Variants in HERC1 observed in about 807,000 individuals in gnomAD.
HERC1 encodes probable E3 ubiquitin-protein ligase HERC1.
A neutral mutation model predicts 554.3 loss-of-function variants in HERC1; 160 were observed. The ratio of observed to expected loss-of-function variants is 0.29; its 90% CI spans 0.25 to 0.33. The LOEUF (loss-of-function observed/expected upper bound fraction) is 0.33. Ranked by LOEUF, HERC1 falls within the 10% of genes least tolerant of loss-of-function variation. The pLI is 1.00. For missense variants in HERC1, 4,919 were observed against 5,918.5 expected (o/e 0.83, Z 5.54); for synonymous variants, 2,175 against 2,131.7 (o/e 1.02, Z -0.56).
At chr15:63,806,361 T>C (rs182214818) in intron 1 of HERC1, among the ~76,000 whole-genome samples, 4 of 152,304 alleles carry the variant, frequency 2.6e-5, no homozygotes, top group Admixed American at 2.6e-4. Context: ...AGGTGACTTC[T>C]TCCATGAAGC....
chr15:63,750,673 T>C (rs1042806272), intron 8 of HERC1, among the ~76,000 whole-genome samples: 2 of 152,214 alleles, frequency 1.3e-5, no homozygotes, highest in Non-Finnish European at 2.9e-5. Flanking sequence ...GGCTTAAGCC[T>C]GTAATCCCAG....
Position 63,694,221 on chromosome 15 carries a change from T to A in HERC1, c.5481-64A>T. On this transcript the variant is annotated intron_variant, in intron 29 of 77. Coordinates refer to ENST00000443617, the MANE Select transcript of HERC1 (RefSeq NM_003922.4). This position sits in a 1 kb window ranked among gnomAD's most constrained non-coding sequence, Gnocchi z 4.3. ...CAGAAGGGCAAGCATAGTGCTTAAA[T>A]ACATAAAGCAGATTAGAGGGAAAGG... The A allele has an allele frequency of 6.4e-7, 1 of 1,562,550 alleles. No individual in the cohort carries two copies. Among genetic ancestry groups the A allele is most frequent in the East Asian group, 2.4e-5 (1 of 42,378 alleles).
rs2070985349 is a variant in HERC1 at position 63,672,484 on chromosome 15, C to A, written c.8045+12G>T. On this transcript the variant is annotated intron_variant, in intron 39 of 77. Transcript: ENST00000443617. ...CATCAGTATGGCAGACATTAAAGGT[C>A]AACTTCTCTACCTGAGAAGACTAAG... 6.4e-7 allele frequency: 1 copy of A among 1,568,788 alleles called. No individual in the cohort carries two copies. Among genetic ancestry groups the A allele is most frequent in the South Asian group, 1.2e-5 (1 of 85,268 alleles).
At position 63,693,957 on chromosome 15, in the gene HERC1, A is replaced by T. The variant is rs1174738651; in HGVS notation, c.5674+7T>A. ...TAAGTAAAGACAGAGAAAGAGGCTTACATTACCTCTGAAATCTTTCTTCTC... is the reference window on the plus strand; with the variant it reads ...TAAGTAAAGACAGAGAAAGAGGCTTTCATTACCTCTGAAATCTTTCTTCTC... On this transcript the variant is annotated splice_region_variant and intron_variant, in intron 30 of 77. Transcript: ENST00000443617. The T allele has an allele frequency of 6.5e-7, 1 of 1,549,886 alleles. No homozygotes were observed. Among genetic ancestry groups the T allele is most frequent in the Non-Finnish European group, 8.7e-7 (1 of 1,146,304 alleles).
chr15:63,815,921 G>C (rs921251075), intron 1 of HERC1, among the ~76,000 whole-genome samples: 4 of 152,052 alleles, frequency 2.6e-5, no homozygotes, highest in African/African-American at 9.7e-5. Flanking sequence ...GCAAAAGGGG[G>C]GAAAGCCCCT....
Position 63,686,439 on chromosome 15 carries a change from G to T in HERC1, c.6145C>A (p.Gln2049Lys). Residue 2049 changes from glutamine to lysine, a missense_variant, in exon 34 of 78, where the codon CAG becomes AAG. Physicochemically the swap from Gln to Lys is moderately conservative, Grantham distance 53. Coordinates refer to ENST00000443617, the MANE Select transcript of HERC1 (RefSeq NM_003922.4). ...CCTCCACTGCCGTGAGTTAAAATCT[G>T]TCCATTCTCCACTAGGCAACACTGA... ...KAQCCLVENG[Q>K]ILTHGSGGKG... 6.2e-7 allele frequency: 1 copy of T among 1,613,748 alleles called. No individual in the cohort carries two copies. Among genetic ancestry groups the T allele is most frequent in the Non-Finnish European group, 8.5e-7 (1 of 1,179,702 alleles).
chr15:63,785,961 C>T (rs79908474), intron 1 of HERC1, among the ~76,000 whole-genome samples: 1,871 of 152,130 alleles, frequency 0.012, 34 homozygotes, highest in African/African-American at 0.043. Flanking sequence ...CCACTTGGGC[C>T]TCCCAAAGTG....
intron 4 of HERC1, among the ~76,000 whole-genome samples, chr15:63,757,487 G>A (rs985742017): frequency 3.3e-5 from 5 of 151,826 alleles, no homozygotes; most frequent in African/African-American, 7.3e-5. Context: ...AGCTAGTCTC[G>A]AACTCATGAT....
intron 36 of HERC1, among the ~76,000 whole-genome samples, chr15:63,678,617 A>C (rs965426233): frequency 3.9e-5 from 6 of 152,178 alleles, no homozygotes; most frequent in Admixed American, 3.9e-4. Flanking sequence ...AGATGTTAGG[A>C]AAATTTGAAA....
chr15:63,630,315 T>C (rs1595856350), intron 69 of HERC1, 151 bp downstream of exon 69: 2 of 827,884 alleles, frequency 2.4e-6, no homozygotes, highest in Non-Finnish European at 3.8e-6. Flanking sequence ...AAGACATAAC[T>C]AGACTTACAA....
At chr15:63,699,115 T>G (rs2072583896) in intron 25 of HERC1, 119 bp from the exon 26 acceptor site, 5 of 853,098 alleles carry the variant, frequency 5.9e-6, no homozygotes, top group Non-Finnish European at 9.1e-6. Flanking sequence ...TACTCATGTT[T>G]GAATACGCGC....
chr15:63,683,267 C>T (rs1342454614), intron 34 of HERC1, among the ~76,000 whole-genome samples: 1 of 151,960 alleles, frequency 6.6e-6, no homozygotes, highest in Non-Finnish European at 1.5e-5. Context: ...TGGGACACAA[C>T]TTACTTGCTT....
chr15:63,785,690 G>A (rs545115131), intron 1 of HERC1, among the ~76,000 whole-genome samples: 1 of 152,066 alleles, frequency 6.6e-6, no homozygotes, highest in African/African-American at 2.4e-5. Context: ...GATCCCTTGC[G>A]CTCAGGAGGT....
rs1490588662 is a variant in HERC1, at chr15:63,774,859, T to C, written c.765A>G (p.Ala255=). The C allele has an allele frequency of 1.1e-5, 17 of 1,614,044 alleles. No individual in the cohort carries two copies. The highest frequency in any genetic ancestry group is 1.0e-5 in the Non-Finnish European group (12 of 1,179,906). Residue 255 remains alanine (A), a synonymous_variant, in exon 2 of 78, where the codon GCA becomes GCG. Coordinates refer to ENST00000443617, the MANE Select transcript of HERC1 (RefSeq NM_003922.4). ...RLASELLLGL[A]AQRGSLRYLL... ...GATATCGCAATGAGCCTCGTTGAGCTGCCAAACCAAGCAGCAACTCAGAAG... is the reference window on the plus strand; with the variant it reads ...GATATCGCAATGAGCCTCGTTGAGCCGCCAAACCAAGCAGCAACTCAGAAG...
intron 12 of HERC1, among the ~76,000 whole-genome samples, chr15:63,740,262 T>A (rs1467523008): frequency 6.6e-6 from 1 of 152,212 alleles, no homozygotes; most frequent in African/African-American, 2.4e-5. Flanking sequence ...TATCACTACT[T>A]CACTCCTTTT....
intron 24 of HERC1, among the ~76,000 whole-genome samples, chr15:63,707,182 C>T (rs2073049026): frequency 1.3e-5 from 2 of 152,162 alleles, no homozygotes; most frequent in African/African-American, 2.4e-5. Context: ...TGAAGTAGTG[C>T]CTTATTTTCC....
intron 74 of HERC1, 26 bp downstream of exon 74, chr15:63,622,789 T>C (rs1334501440): frequency 1.3e-6 from 2 of 1,524,846 alleles, no homozygotes; most frequent in Non-Finnish European, 1.8e-6. Context: ...TTTAGACATA[T>C]AATGAACACT....
At chr15:63,690,994 G>T (rs1253751328) in intron 31 of HERC1, among the ~76,000 whole-genome samples, 1 of 152,196 alleles carries the variant, frequency 6.6e-6, no homozygotes, top group African/African-American at 2.4e-5. Flanking sequence ...GAGGCTCAGA[G>T]AAGTTATGTA....
intron 12 of HERC1, among the ~76,000 whole-genome samples, chr15:63,743,317 A>T (rs769154958): frequency 3.0e-5 from 4 of 131,300 alleles, no homozygotes; most frequent in African/African-American, 5.9e-5. Context: ...GCTGGAGTGC[A>T]GTGGCACAAT....
Sources: allele counts gnomAD v4.1 joint callset (sites outside exome capture counted in the v4.1 genomes callset), GRCh38; gene constraint gnomAD v4.1.1; non-coding constraint Gnocchi (gnomAD v3.1); transcripts MANE v1.5; gene names NCBI Gene and HGNC (gene_info 2026-07-23, HGNC 2026-07-21).